TTC1: variants seen among roughly 807,000 people sequenced by gnomAD.
TTC1 encodes tetratricopeptide repeat protein 1.
A neutral mutation model predicts 37.6 loss-of-function variants in TTC1; 31 were observed. The ratio of observed to expected loss-of-function variants is 0.82; its 90% CI spans 0.62 to 1.11. The LOEUF (loss-of-function observed/expected upper bound fraction) is 1.11, where lower values mean the gene tolerates loss of function less well. TTC1 is among the 50% of genes most tolerant of loss of function. The probability of loss-of-function intolerance (pLI) is 0.00; values close to 1 mark genes in which losing one functional copy is unlikely to be tolerated. For missense variants in TTC1, 351 were observed against 339.0 expected (o/e 1.04, Z -0.28); for synonymous variants, 127 against 122.4 (o/e 1.04, Z -0.25).
intron 2 of TTC1, among the ~76,000 whole-genome samples, chr5:160,029,694 C>T (rs1426806326): frequency 1.3e-5 from 2 of 151,914 alleles, no homozygotes; most frequent in Non-Finnish European, 2.9e-5. Context: ...TGGCAAAGTA[C>T]AGAATACAAA....
intron 2 of TTC1, among the ~76,000 whole-genome samples, chr5:160,019,558 G>A (rs935297558): frequency 2.4e-5 from 3 of 125,670 alleles, no homozygotes; most frequent in African/African-American, 8.7e-5. Flanking sequence ...TTCTGATTTT[G>A]TTGTTTCCCT....
chr5:160,017,117 G>C (rs1756620188), intron 2 of TTC1, among the ~76,000 whole-genome samples: 1 of 152,212 alleles, frequency 6.6e-6, no homozygotes, highest in South Asian at 2.1e-4. Context: ...TACTAGGTAT[G>C]TGAAGCAAAT....
chr5:160,053,118 C>T (rs1035309204), intron 7 of TTC1, among the ~76,000 whole-genome samples: 1 of 152,014 alleles, frequency 6.6e-6, no homozygotes, highest in East Asian at 1.9e-4. Flanking sequence ...CTCCTTGTTG[C>T]TGATGAGGTA....
intron 2 of TTC1, among the ~76,000 whole-genome samples, chr5:160,025,351 G>A (rs1208361397): frequency 2.6e-5 from 4 of 152,038 alleles, no homozygotes; most frequent in Non-Finnish European, 4.4e-5. Context: ...TAGTAGAGAC[G>A]GGGTTTTGCC....
chr5:160,043,119 G>T lies in TTC1; in HGVS notation c.505-14G>T. The T allele has an allele frequency of 1.2e-6, 2 of 1,613,010 alleles. No homozygotes were observed. The highest frequency in any genetic ancestry group is 1.7e-6 in the Non-Finnish European group (2 of 1,179,476). Reference sequence around the variant, plus strand: ...AACTAGGGCAACACATATTAATACTGTTTTTCTTTTTAGGACAAGAAAGAA... The same window carrying T: ...AACTAGGGCAACACATATTAATACTTTTTTTCTTTTTAGGACAAGAAAGAA... On this transcript the variant is annotated splice_polypyrimidine_tract_variant and intron_variant, in intron 4 of 7. Coordinates refer to ENST00000231238, the MANE Select transcript of TTC1 (RefSeq NM_003314.3).
chr5:160,032,692 T>C (rs1040406070), intron 2 of TTC1, among the ~76,000 whole-genome samples: 5 of 147,816 alleles, frequency 3.4e-5, no homozygotes, highest in Admixed American at 2.0e-4. Flanking sequence ...CCTTGAGTTC[T>C]ACCTGCTTTC....
rs1015815936 is a variant in TTC1 at position 160,043,199 on chromosome 5, A to C, written c.541+30A>C. 3.1e-6 allele frequency: 5 copies of C among 1,612,058 alleles called. No homozygotes were observed. The African/African-American group carries it at 5.3e-5, about 17-fold the overall frequency. ...AGCTTTATTATCTTATTACATGTTA[A>C]CATACAGGAGCATTATGTCAGACAG... On this transcript the variant is annotated intron_variant, in intron 5 of 7. Coordinates refer to ENST00000231238, the MANE Select transcript of TTC1 (RefSeq NM_003314.3).
At chr5:160,009,225 C>T (rs1431955288) in intron 1 of TTC1, 32 bp downstream of exon 1, 1 of 152,222 alleles carries the variant, frequency 6.6e-6, no homozygotes, top group Non-Finnish European at 1.5e-5. Context: ...AGCGTGTTGG[C>T]TGTGAGGAAC....
chr5:160,015,446 A>G (rs1460420328), intron 2 of TTC1, among the ~76,000 whole-genome samples: 1 of 152,174 alleles, frequency 6.6e-6, no homozygotes, highest in Non-Finnish European at 1.5e-5. Context: ...GACTCAAGCA[A>G]TATTCCCATC....
At chr5:160,016,950 G>A (rs1181130021) in intron 2 of TTC1, among the ~76,000 whole-genome samples, 7 of 152,216 alleles carry the variant, frequency 4.6e-5, no homozygotes, top group Non-Finnish European at 1.0e-4. Context: ...AATAATTGAG[G>A]AGGAAAGCAG....
At chr5:160,018,995 A>G (rs972929695) in intron 2 of TTC1, among the ~76,000 whole-genome samples, 7 of 152,232 alleles carry the variant, frequency 4.6e-5, no homozygotes, top group African/African-American at 1.7e-4. Context: ...GGCCTTTATT[A>G]ATATGAAGAA....
intron 2 of TTC1, 73 bp downstream of exon 2, chr5:160,010,931 A>G (rs1756491933): frequency 7.5e-7 from 1 of 1,340,986 alleles, no homozygotes; most frequent in Non-Finnish European, 1.0e-6. Flanking sequence ...ACTGTATCAT[A>G]GACCACCTCA....
At chr5:160,038,715 T>C (rs1475442352) in intron 4 of TTC1, among the ~76,000 whole-genome samples, 5 of 145,588 alleles carry the variant, frequency 3.4e-5, no homozygotes, top group Non-Finnish European at 7.4e-5. Flanking sequence ...TAGGCTGGAG[T>C]GCAGTGGTGT....
chr5:160,030,096 A>G (rs181814365), intron 2 of TTC1, among the ~76,000 whole-genome samples: 1 of 152,382 alleles, frequency 6.6e-6, no homozygotes, highest in Admixed American at 6.5e-5. Flanking sequence ...TTACAAAATC[A>G]AAAGCAGTAT....
chr5:160,064,582 C>T (rs1333601170), intron 7 of TTC1, among the ~76,000 whole-genome samples: 1 of 152,192 alleles, frequency 6.6e-6, no homozygotes, highest in Non-Finnish European at 1.5e-5. Flanking sequence ...TTGAGCCTCA[C>T]TGGAACAGCA....
chr5:160,060,461 T>G (rs1301740872), intron 7 of TTC1, among the ~76,000 whole-genome samples: 1 of 152,218 alleles, frequency 6.6e-6, no homozygotes, highest in Non-Finnish European at 1.5e-5. Flanking sequence ...GGATCTAGTC[T>G]GATAGACGAG....
At chr5:160,030,696 T>G (rs991303875) in intron 2 of TTC1, among the ~76,000 whole-genome samples, 1 of 152,188 alleles carries the variant, frequency 6.6e-6, no homozygotes, top group African/African-American at 2.4e-5. Flanking sequence ...ATGTCACTGT[T>G]TCCCCCTAAG....
At chr5:160,031,955 C>T (rs1345687286) in intron 2 of TTC1, among the ~76,000 whole-genome samples, 3 of 152,194 alleles carry the variant, frequency 2.0e-5, no homozygotes, top group African/African-American at 4.8e-5. Context: ...GGTGCCACTG[C>T]ACTCCAGCCT....
chr5:160,023,511 T>G (rs1435044738), intron 2 of TTC1, among the ~76,000 whole-genome samples: 1 of 152,126 alleles, frequency 6.6e-6, no homozygotes, highest in African/African-American at 2.4e-5. Flanking sequence ...CAGGCTGAAG[T>G]TTTCTTGAAG....
Sources: gnomAD v4.1 joint callset for allele counts (sites outside exome capture counted in the v4.1 genomes callset) on GRCh38, gnomAD v4.1.1 for gene constraint, MANE v1.5 for transcripts, NCBI Gene and HGNC (gene_info 2026-07-23, HGNC 2026-07-21) for gene names.